ZNF560: variants seen among roughly 807,000 people sequenced by gnomAD.
ZNF560 encodes zinc finger protein 560.
Under a neutral mutation model 81.8 loss-of-function variants are expected in ZNF560, and 54 were observed. That is an observed-to-expected ratio of 0.66 (90% CI 0.53 to 0.83). The LOEUF is 0.83. ZNF560 is among the 40% of genes least tolerant of loss of function. ZNF560 has a pLI of 0.00. For synonymous variants in ZNF560, 321 were observed against 317.9 expected, an observed-to-expected ratio of 1.01 and a Z score of -0.10; for missense variants, 940 against 932.4, an observed-to-expected ratio of 1.01 and a Z score of -0.11.
upstream of ZNF560, among the ~76,000 whole-genome samples, chr19:9,501,831 T>C (rs2073635888): frequency 2.0e-5 from 3 of 151,152 alleles, no homozygotes; most frequent in Admixed American, 6.6e-5. Flanking sequence ...TCAGTAACAA[T>C]GTAATGAATG....
At chr19:9,463,691 T>G (rs2144678375), downstream of ZNF560, among the ~76,000 whole-genome samples, 1 of 152,212 alleles carries the variant, frequency 6.6e-6, no homozygotes, top group South Asian at 2.1e-4. Flanking sequence ...TTTTTTTGGT[T>G]TTGTTTTGTT....
intron 8 of ZNF560, 35 bp downstream of exon 8, chr19:9,469,595 C>G (rs1182579746): frequency 6.3e-7 from 1 of 1,599,034 alleles, no homozygotes; most frequent in Admixed American, 1.7e-5. Flanking sequence ...CTGAGAACTT[C>G]TCATGGACCA....
intron 2 of ZNF560, among the ~76,000 whole-genome samples, chr19:9,492,546 C>T (rs757407907): frequency 2.0e-5 from 3 of 152,222 alleles, no homozygotes; most frequent in Non-Finnish European, 4.4e-5. Flanking sequence ...ACCCATTTCA[C>T]TGCAAAGGAA....
At chr19:9,502,646 A>G (rs189078241), upstream of ZNF560, among the ~76,000 whole-genome samples, 1 of 152,270 alleles carries the variant, frequency 6.6e-6, no homozygotes, top group African/African-American at 2.4e-5. Context: ...TTTTCTTGTT[A>G]TAGGTCTCTT....
chr19:9,504,202 G>C, the ZNF560 span, among the ~76,000 whole-genome samples: 2 of 152,134 alleles, frequency 1.3e-5, no homozygotes, highest in African/African-American at 4.8e-5. Flanking sequence ...GGGAGGCCAA[G>C]AGTGGATGGA....
the ZNF560 span, among the ~76,000 whole-genome samples, chr19:9,458,894 G>A: frequency 7.9e-5 from 12 of 152,310 alleles, no homozygotes; most frequent in South Asian, 1.0e-3. Context: ...ATGTTCCCTC[G>A]TTTGGGAGAC....
intron 7 of ZNF560, among the ~76,000 whole-genome samples, 165 bp downstream of exon 7, chr19:9,470,227 G>A (rs1449480385): frequency 1.3e-5 from 2 of 152,062 alleles, no homozygotes; most frequent in Non-Finnish European, 2.9e-5. Flanking sequence ...CATTAGTACA[G>A]GAACTGTCTC....
chr19:9,461,019 T>TGAC, the ZNF560 span, among the ~76,000 whole-genome samples: 5 of 152,192 alleles, frequency 3.3e-5, no homozygotes, highest in African/African-American at 1.2e-4. Flanking sequence ...TCTGGAAACA[T>TGAC]GACGGTATAG....
chr19:9,492,753 T>C (rs1225252364), intron 2 of ZNF560, among the ~76,000 whole-genome samples: 1 of 152,182 alleles, frequency 6.6e-6, no homozygotes, highest in Non-Finnish European at 1.5e-5. Flanking sequence ...GATCACTAGA[T>C]ACTACTATCT....
At chr19:9,505,787 C>T in the ZNF560 span, among the ~76,000 whole-genome samples, 3 of 152,030 alleles carry the variant, frequency 2.0e-5, no homozygotes, top group African/African-American at 7.2e-5. Flanking sequence ...TCTCAGCCTC[C>T]TGTGTAGCTG....
upstream of ZNF560, among the ~76,000 whole-genome samples, chr19:9,502,943 C>T (rs2073643594): frequency 6.6e-6 from 1 of 152,056 alleles, no homozygotes; most frequent in African/African-American, 2.4e-5. Context: ...CTTATCTATT[C>T]TCCATTTCAC....
At position 9,473,248 on chromosome 19, in the gene ZNF560, A is replaced by G; in HGVS notation, c.169T>C (p.Phe57Leu). Residue 57 changes from phenylalanine to leucine, a missense_variant, in exon 5 of 10, where the codon TTT (phenylalanine) becomes CTT (leucine). Transcript: ENST00000301480. ...ENVAKVGFQL[F>L]KPSVISWLEE... ...AACCAAGAGATGACACTGGGTTTAA[A>G]GAGCTGAAATCCTTTACATGAAGAA... 6.2e-7 allele frequency: 1 copy of G among 1,610,732 alleles called. No homozygotes were observed. Among genetic ancestry groups the G allele is most frequent in the Non-Finnish European group, 8.5e-7 (1 of 1,178,552 alleles).
At chr19:9,471,262 G>T in intron 6 of ZNF560, 34 bp downstream of exon 6, 1 of 1,471,704 alleles carries the variant, frequency 6.8e-7, no homozygotes, top group Non-Finnish European at 9.3e-7. Context: ...TTCTCTGAGT[G>T]TGAAAAATAA....
chr19:9,474,147 C>T (rs761874224), intron 4 of ZNF560, 52 bp downstream of exon 4: 112 of 1,607,290 alleles, frequency 7.0e-5, no homozygotes, highest in South Asian at 8.8e-5. Context: ...ACAGCAAGTA[C>T]ACAATGTATA....
At chr19:9,483,747 G>A (rs1399858545) in intron 2 of ZNF560, among the ~76,000 whole-genome samples, 5 of 152,054 alleles carry the variant, frequency 3.3e-5, no homozygotes, top group African/African-American at 9.7e-5. Context: ...CCCCTTCTGG[G>A]AAGTGAGGAG....
Position 9,468,428 on chromosome 19 carries a change from C to G in ZNF560, c.613-94G>C. On this transcript the variant is annotated intron_variant, in intron 9 of 9. Transcript: ENST00000301480. Reference sequence around the variant, plus strand: ...AGAAACATGATAATTATTATTTTTGCCACTTTTATAACATGCATATAGTTT... The same window carrying G: ...AGAAACATGATAATTATTATTTTTGGCACTTTTATAACATGCATATAGTTT... 2 of 1,011,170 alleles carry G rather than the reference C, an allele frequency of 2.0e-6. 1 individual carries two copies. 62.6% of individuals were successfully genotyped at this position (1,011,170 alleles called of 1,614,324 possible).
At chr19:9,484,842 A>AG (rs2073360121) in intron 2 of ZNF560, among the ~76,000 whole-genome samples, 1 of 145,596 alleles carries the variant, frequency 6.9e-6, no homozygotes, top group South Asian at 2.1e-4. Context: ...AATAAAAAAA[A>AG]GAAAAAAAAA....
chr19:9,474,823 A>ATTTTTTT (rs35450965), intron 3 of ZNF560, among the ~76,000 whole-genome samples: 12 of 85,704 alleles, frequency 1.4e-4, no homozygotes, highest in Admixed American at 3.3e-4. Flanking sequence ...CATGCCTGGC[A>ATTTTTTT]TTTTTTTTTT....
At chr19:9,497,760 T>G (rs996675938) in intron 2 of ZNF560, among the ~76,000 whole-genome samples, 16 of 152,188 alleles carry the variant, frequency 1.1e-4, no homozygotes, top group African/African-American at 3.6e-4. Context: ...CTTAGTACAG[T>G]CATCCTGTTA....
Sources: gnomAD v4.1 joint callset for allele counts (sites outside exome capture counted in the v4.1 genomes callset) on GRCh38, gnomAD v4.1.1 for gene constraint, MANE v1.5 for transcripts, NCBI Gene and HGNC (gene_info 2026-07-23, HGNC 2026-07-21) for gene names.